The following NF1 variants were observed in gnomAD, a reference collection of about 807,000 sequenced individuals.
NF1 encodes the protein neurofibromin 1, also known as neurofibromin.
A neutral mutation model predicts 325.7 loss-of-function variants in NF1; 122 were observed. That is an observed-to-expected ratio of 0.37 (90% CI 0.32 to 0.44). The LOEUF is 0.44. Among genes scored for constraint, NF1 ranks in the 20% least tolerant of loss-of-function variants. The pLI is 1.00. For missense variants in NF1, 2,140 were observed against 3,415.4 expected, an observed-to-expected ratio of 0.63 and a Z score of 9.31; for synonymous variants, 1,091 against 1,186.0, an observed-to-expected ratio of 0.92 and a Z score of 1.65.
At chr17:31,238,709 G>C (rs1475294936) in intron 29 of NF1, among the ~76,000 whole-genome samples, 2 of 151,580 alleles carry the variant, frequency 1.3e-5, no homozygotes, top group Non-Finnish European at 2.9e-5. Context: ...ACTCCAGCCT[G>C]GGCGACAGAG....
At chr17:31,249,201 TG>T in intron 30 of NF1, 82 bp downstream of exon 30, 1 of 1,437,516 alleles carries the variant, frequency 7.0e-7, no homozygotes, top group East Asian at 2.3e-5. Flanking sequence ...ATCTAGCTGC[TG>T]ATGGTGTGTG....
At position 31,374,253 on chromosome 17, in the gene NF1, C is replaced by T. The variant is rs2151601973; in HGVS notation, c.*98C>T. Reference sequence around the variant, plus strand: ...CCTTTCCCCCCATGTTGTAATGCTGCACTTCCTGTTTTATAATGAACCCAT... The same window carrying T: ...CCTTTCCCCCCATGTTGTAATGCTGTACTTCCTGTTTTATAATGAACCCAT... On this transcript the variant is annotated 3_prime_UTR_variant, in exon 58 of 58. Coordinates refer to ENST00000358273, the MANE Select transcript of NF1 (RefSeq NM_001042492.3). The T allele has an allele frequency of 6.7e-7, 1 of 1,496,154 alleles. No homozygotes were observed. Among genetic ancestry groups the T allele is most frequent in the Non-Finnish European group, 9.3e-7 (1 of 1,077,358 alleles). 92.7% of individuals were successfully genotyped at this position (1,496,154 alleles called of 1,614,324 possible).
At chr17:31,345,766 A>G (rs2069961051) in intron 48 of NF1, 1 of 1,610,828 alleles carries the variant, frequency 6.2e-7, no homozygotes, top group Admixed American at 1.7e-5. Flanking sequence ...AGGCGTGGCC[A>G]GCACTGGCTC....
At chr17:31,366,346 C>T (rs1219168437) in intron 57 of NF1, among the ~76,000 whole-genome samples, 3 of 152,134 alleles carry the variant, frequency 2.0e-5, no homozygotes, top group African/African-American at 7.2e-5. Flanking sequence ...CTTAGTTCAT[C>T]GTTACTTTAG....
At chr17:31,273,039 A>T (rs903385879) in intron 36 of NF1, among the ~76,000 whole-genome samples, 1 of 152,204 alleles carries the variant, frequency 6.6e-6, no homozygotes, top group Non-Finnish European at 1.5e-5. Flanking sequence ...GGAAAAAAAT[A>T]AAACTCTAGA....
chr17:31,175,909 A>C (rs1206073119), intron 5 of NF1, among the ~76,000 whole-genome samples: 1 of 152,144 alleles, frequency 6.6e-6, no homozygotes, highest in Non-Finnish European at 1.5e-5. Flanking sequence ...CATTTTCTTT[A>C]TCCAGTCTAT....
Position 31,232,043 on chromosome 17 carries a change from A to AT in NF1, c.3198-4dup, listed in dbSNP as rs371047262. 67,695 of 586,854 alleles carry AT rather than the reference A, an allele frequency of 0.12. 6,645 individuals carry two copies. Among genetic ancestry groups the AT allele is most frequent in the East Asian group, 0.19 (3,715 of 19,364 alleles). The allele number at this position is 586,854 out of a possible 1,614,324, so 36.4% of individuals were successfully genotyped here. A position where few individuals can be genotyped will look rare whatever the true frequency, so the allele number is the denominator to read the frequency against. On this transcript the variant is annotated intron_variant, in intron 24 of 57. Transcript: ENST00000358273. ...AACTTGAAAGATTCATGGTCTCTAAATTTTTTTTTTTTTTTTTTTTTTTTT... is the reference window on the plus strand; with the variant it reads ...AACTTGAAAGATTCATGGTCTCTAAATTTTTTTTTTTTTTTTTTTTTTTTTT...
rs1242297747 is a variant in NF1, at chr17:31,219,101, G to T, written c.1624G>T (p.Ala542Ser). ...LVPQSHMPEI[A>S]QEAMEALLVL... ...CCCTCAGTCACACATGCCAGAGATT[G>T]CTCAGGAAGCAATGGAGGTAAGGGG... is the stretch of plus-strand genomic sequence containing the variant. The change falls in exon 14 of 58, where the codon GCT becomes TCT. Residue 542 changes from alanine (A) to serine (S), a missense_variant. Physicochemically the swap from Ala to Ser is moderately conservative, Grantham distance 99 (BLOSUM62 1). Transcript: ENST00000358273. 1 of 1,613,470 alleles carries T rather than the reference G, an allele frequency of 6.2e-7. No homozygotes were observed. Among genetic ancestry groups the T allele is most frequent in the Non-Finnish European group, 8.5e-7 (1 of 1,179,776 alleles).
intron 5 of NF1, among the ~76,000 whole-genome samples, chr17:31,177,274 A>G (rs780886023): frequency 7.2e-5 from 11 of 152,142 alleles, no homozygotes; most frequent in Non-Finnish European, 1.3e-4. Flanking sequence ...TACTCTGGCA[A>G]ACAGGGTCTG....
intron 20 of NF1, among the ~76,000 whole-genome samples, chr17:31,228,752 T>C (rs1597714803): frequency 6.6e-6 from 1 of 152,330 alleles, no homozygotes; most frequent in South Asian, 2.1e-4. Context: ...TGTGATTAGC[T>C]TCTTTCACTT....
intron 36 of NF1, among the ~76,000 whole-genome samples, chr17:31,290,723 C>T (rs570749191): frequency 1.1e-4 from 16 of 152,132 alleles, no homozygotes; most frequent in African/African-American, 3.9e-4. Flanking sequence ...AAGCTAATAT[C>T]GGCCGGGCAC....
At chr17:31,157,613 C>A (rs1045959516) in intron 2 of NF1, among the ~76,000 whole-genome samples, 1 of 151,872 alleles carries the variant, frequency 6.6e-6, no homozygotes, top group Non-Finnish European at 1.5e-5. Context: ...CAATATTTAT[C>A]ATTTCTTTGT....
intron 13 of NF1, among the ~76,000 whole-genome samples, chr17:31,217,741 G>A (rs1029589647): frequency 2.0e-5 from 3 of 151,212 alleles, no homozygotes; most frequent in Non-Finnish European, 4.4e-5. Flanking sequence ...GAGGCAGGTG[G>A]ATCACCTGAG....
chr17:31,100,613 A>G (rs2143205066), intron 1 of NF1, among the ~76,000 whole-genome samples: 1 of 152,258 alleles, frequency 6.6e-6, no homozygotes, highest in South Asian at 2.1e-4. Context: ...TCTGTCGCCC[A>G]GGCTGGAGTG....
At chr17:31,212,223 A>G (rs1332473964) in intron 12 of NF1, among the ~76,000 whole-genome samples, 1 of 152,188 alleles carries the variant, frequency 6.6e-6, no homozygotes, top group East Asian at 1.9e-4. Flanking sequence ...TGGGGTCAAG[A>G]TCATCAATCA....
At chr17:31,313,705 CAAAA>C (rs371438778) in intron 36 of NF1, among the ~76,000 whole-genome samples, 3 of 112,650 alleles carry the variant, frequency 2.7e-5, no homozygotes, top group Non-Finnish European at 5.7e-5. Flanking sequence ...GACTCTATCT[CAAAA>C]AAAAAAAAAA....
intron 1 of NF1, among the ~76,000 whole-genome samples, chr17:31,120,190 T>TA (rs1319497339): frequency 6.6e-6 from 1 of 152,224 alleles, no homozygotes; most frequent in Non-Finnish European, 1.5e-5. Flanking sequence ...ATCTATAAAT[T>TA]ACTTTGTGTA....
intron 1 of NF1, among the ~76,000 whole-genome samples, chr17:31,143,241 TCA>T (rs113633144): frequency 1.7e-4 from 26 of 151,534 alleles, no homozygotes; most frequent in African/African-American, 4.6e-4. Flanking sequence ...TTTTTTTAAA[TCA>T]CACACACACA....
intron 8 of NF1, among the ~76,000 whole-genome samples, chr17:31,196,257 A>G (rs1302016400): frequency 1.3e-5 from 2 of 151,438 alleles, no homozygotes; most frequent in African/African-American, 4.9e-5. Flanking sequence ...GTTTCCTAGC[A>G]TTTAAATTTT....
Sources: gnomAD v4.1 joint callset for allele counts (sites outside exome capture counted in the v4.1 genomes callset) on GRCh38, gnomAD v4.1.1 for gene constraint, MANE v1.5 for transcripts, NCBI Gene and HGNC (gene_info 2026-07-23, HGNC 2026-07-21) for gene names.